NDST3: variants seen among roughly 807,000 people sequenced by gnomAD.
The protein encoded by NDST3 is N-deacetylase and N-sulfotransferase 3, also known as bifunctional heparan sulfate N-deacetylase/N-sulfotransferase 3.
NDST3 carries 58 observed loss-of-function variants against 96.1 expected under a neutral mutation model. The ratio of observed to expected loss-of-function variants is 0.60; its 90% CI spans 0.49 to 0.75. The LOEUF (loss-of-function observed/expected upper bound fraction) is 0.75, where lower values mean the gene tolerates loss of function less well. Ranked by LOEUF, NDST3 falls within the 30% of genes least tolerant of loss-of-function variation. The pLI is 0.00. For missense variants in NDST3, 788 were observed against 1,034.2 expected, an observed-to-expected ratio of 0.76 and a Z score of 3.27; for synonymous variants, 333 against 359.7, an observed-to-expected ratio of 0.93 and a Z score of 0.84.
At chr4:118,085,163 G>A (rs1300984930) in intron 2 of NDST3, among the ~76,000 whole-genome samples, 1 of 151,890 alleles carries the variant, frequency 6.6e-6, no homozygotes, top group Non-Finnish European at 1.5e-5. Context: ...AACCAATATA[G>A]GGAAATAATC....
intron 2 of NDST3, among the ~76,000 whole-genome samples, chr4:118,077,352 A>G (rs534237996): frequency 6.6e-6 from 1 of 152,348 alleles, no homozygotes; most frequent in African/African-American, 2.4e-5. Context: ...GTTTTCACAG[A>G]TAGAACATAC....
chr4:118,150,168 T>C (rs28885399), intron 6 of NDST3, among the ~76,000 whole-genome samples: 4,242 of 152,188 alleles, frequency 0.028, 212 homozygotes, highest in African/African-American at 0.096. Context: ...CAGTATTTTA[T>C]TGAGGATTTT....
intron 6 of NDST3, among the ~76,000 whole-genome samples, chr4:118,175,017 G>T (rs1364274790): frequency 6.6e-6 from 1 of 152,056 alleles, no homozygotes; most frequent in Non-Finnish European, 1.5e-5. Flanking sequence ...CTCTGACCAC[G>T]TACAGTCTAC....
chr4:118,236,847 T>C (rs1740678455), intron 9 of NDST3, among the ~76,000 whole-genome samples, 199 bp from the exon 10 acceptor site: 2 of 152,280 alleles, frequency 1.3e-5, no homozygotes, highest in Admixed American at 6.5e-5. Flanking sequence ...ATAAAGAAAA[T>C]GTACTTAGAA....
intron 6 of NDST3, among the ~76,000 whole-genome samples, chr4:118,174,487 CT>C (rs1736152804): frequency 6.6e-6 from 1 of 152,074 alleles, no homozygotes; most frequent in Non-Finnish European, 1.5e-5. Flanking sequence ...ATTTATAATT[CT>C]GTACAGCTGG....
chr4:118,104,194 C>A (rs1470763265), intron 2 of NDST3, among the ~76,000 whole-genome samples: 1 of 152,074 alleles, frequency 6.6e-6, no homozygotes, highest in African/African-American at 2.4e-5. Context: ...AGCTAGGATA[C>A]CACTAATTTC....
intron 2 of NDST3, among the ~76,000 whole-genome samples, chr4:118,088,515 A>C (rs1311781842): frequency 6.6e-6 from 1 of 152,066 alleles, no homozygotes; most frequent in Non-Finnish European, 1.5e-5. Context: ...ACCTTCTCAC[A>C]GTACCAGGAT....
At chr4:118,151,968 G>A (rs545128809) in intron 6 of NDST3, among the ~76,000 whole-genome samples, 42 of 152,194 alleles carry the variant, frequency 2.8e-4, no homozygotes, top group African/African-American at 6.3e-4. Context: ...TAGCCTGTAC[G>A]CTTGTGGTTG....
intron 8 of NDST3, among the ~76,000 whole-genome samples, chr4:118,231,461 TTAA>T (rs1402503116): frequency 1.3e-5 from 2 of 150,906 alleles, no homozygotes; most frequent in East Asian, 1.9e-4. Flanking sequence ...ATTAGTACTA[TTAA>T]TAATACCATA....
chr4:118,155,468 A>G (rs552733223), intron 6 of NDST3, among the ~76,000 whole-genome samples: 1 of 152,352 alleles, frequency 6.6e-6, no homozygotes, highest in East Asian at 1.9e-4. Flanking sequence ...CTGAACTGCC[A>G]GGATAGGCCC....
chr4:118,130,312 TG>T (rs1374312773), intron 4 of NDST3, among the ~76,000 whole-genome samples: 1 of 152,092 alleles, frequency 6.6e-6, no homozygotes, highest in Admixed American at 6.6e-5. Context: ...AATTTTCTCT[TG>T]TGCTTTAACT....
chr4:118,085,436 T>C (rs1359564893), intron 2 of NDST3, among the ~76,000 whole-genome samples: 1 of 152,200 alleles, frequency 6.6e-6, no homozygotes, highest in Non-Finnish European at 1.5e-5. Flanking sequence ...TAGAAATTGT[T>C]CTGGTTTGTA....
chr4:118,132,691 G>A (rs905520762), intron 4 of NDST3, among the ~76,000 whole-genome samples: 5 of 152,138 alleles, frequency 3.3e-5, no homozygotes, highest in Non-Finnish European at 7.4e-5. Flanking sequence ...TAGTAAGTGC[G>A]TCCCAAGTGC....
In NDST3 at chr4:118,034,560, T is replaced by C. The variant is rs1476107011; in HGVS notation, c.-188T>C. 1 of 152,214 alleles carries C rather than the reference T, an allele frequency of 6.6e-6. No individual in the cohort carries two copies. Among genetic ancestry groups the C allele is most frequent in the Non-Finnish European group, 1.5e-5 (1 of 68,036 alleles). The allele number at this position is 152,214 out of a possible 1,614,324, so 9.4% of individuals were successfully genotyped here. ...TTCTTTTCCATCTATTGCAACTTTC[T>C]CAAGCATTTTCAGCTCTGAACTTTA... is the stretch of plus-strand genomic sequence containing the variant. On this transcript the variant is annotated 5_prime_UTR_variant, in exon 1 of 14. Transcript: ENST00000296499.
chr4:118,230,563 A>G (rs1189467634), intron 8 of NDST3, among the ~76,000 whole-genome samples: 2 of 151,556 alleles, frequency 1.3e-5, no homozygotes, highest in African/African-American at 4.9e-5. Flanking sequence ...CAACAGAGCG[A>G]GACTCCGTTT....
chr4:118,203,741 C>A (rs113475878), intron 6 of NDST3, among the ~76,000 whole-genome samples: 21 of 152,276 alleles, frequency 1.4e-4, no homozygotes, highest in Middle Eastern at 6.8e-3. Context: ...AATACTTACA[C>A]ATGTAAGTGT....
intron 8 of NDST3, among the ~76,000 whole-genome samples, chr4:118,227,962 G>A (rs1183804277): frequency 6.6e-6 from 1 of 152,176 alleles, no homozygotes; most frequent in South Asian, 2.1e-4. Context: ...CATCATGGAA[G>A]CTTTAAACTA....
intron 6 of NDST3, among the ~76,000 whole-genome samples, chr4:118,207,923 T>C (rs1233728691): frequency 6.9e-6 from 1 of 144,538 alleles, no homozygotes; most frequent in East Asian, 2.0e-4. Flanking sequence ...TTAAGTCTCC[T>C]TGTGCCTCTT....
intron 2 of NDST3, among the ~76,000 whole-genome samples, chr4:118,092,446 CA>C (rs1288927914): frequency 6.6e-6 from 1 of 151,760 alleles, no homozygotes; most frequent in African/African-American, 2.4e-5. Context: ...TGTGAGATAG[CA>C]GGCCGTTTCT....
Sources: allele counts gnomAD v4.1 joint callset (sites outside exome capture counted in the v4.1 genomes callset), GRCh38; gene constraint gnomAD v4.1.1; transcripts MANE v1.5; gene names NCBI Gene and HGNC (gene_info 2026-07-23, HGNC 2026-07-21).